PACSIN3: variants seen among roughly 807,000 people sequenced by gnomAD.
The protein encoded by PACSIN3 is protein kinase C and casein kinase substrate in neurons protein 3.
In PACSIN3, 34 loss-of-function variants were observed where a neutral mutation model predicts 56.1. The ratio of observed to expected loss-of-function variants is 0.61; its 90% CI spans 0.46 to 0.81. PACSIN3 has a LOEUF of 0.81. Ranked by LOEUF, PACSIN3 falls within the 30% of genes least tolerant of loss-of-function variation. The pLI is 0.00. For missense variants in PACSIN3, 535 were observed against 592.4 expected (o/e 0.90, Z 1.01); for synonymous variants, 218 against 229.8 (o/e 0.95, Z 0.46).
In PACSIN3 at chr11:47,179,482, G is replaced by A. The variant is rs748047182; in HGVS notation, c.708C>T (p.Arg236=). The change falls in exon 7 of 11, where the codon CGC becomes CGT. Residue 236 remains arginine (R), a synonymous_variant. Coordinates refer to ENST00000298838, the MANE Select transcript of PACSIN3 (RefSeq NM_016223.5). The surrounding 1 kb of genome is among the most constrained non-coding windows in gnomAD (Gnocchi z 4.4). ...TATCCTTGAAGAAAAGAAGCCGCTG[G>A]CGCTCGGCGGCCTGGCAGGTCTCAA... The part of the protein sequence containing the change: ...QAFETCQAAE[R]QRLLFFKDML... The A allele has an allele frequency of 2.5e-6, 4 of 1,613,880 alleles. No individual in the cohort carries two copies. Among genetic ancestry groups the A allele is most frequent in the Non-Finnish European group, 3.4e-6 (4 of 1,180,034 alleles).
At position 47,178,504 on chromosome 11, in the gene PACSIN3, A is replaced by C. The variant is rs1952939317; in HGVS notation, c.1038-17T>G. ...TGCCCCGTGCTGGAGAGGGGAGGCA[A>C]AGGGAGCAGCTCAGAGTGCAAGGAA... On this transcript the variant is annotated splice_polypyrimidine_tract_variant and intron_variant, in intron 9 of 10. Transcript: ENST00000298838. This position sits in a 1 kb window ranked among gnomAD's most constrained non-coding sequence, Gnocchi z 4.2. 2.5e-6 allele frequency: 4 copies of C among 1,612,556 alleles called. No homozygotes were observed. The highest frequency in any genetic ancestry group is 3.4e-6 in the Non-Finnish European group (4 of 1,179,458).
chr11:47,178,538 T>TG lies in PACSIN3; in HGVS notation c.1038-52dup, dbSNP rs1270031359. ...GCTCAGAGTGCAAGGAACACGGGGC[T>TG]GGAGATCTCACCCAGGATCAGGGCA... is the stretch of plus-strand genomic sequence containing the variant. On this transcript the variant is annotated intron_variant, in intron 9 of 10. Transcript: ENST00000298838. This position sits in a 1 kb window ranked among gnomAD's most constrained non-coding sequence, Gnocchi z 4.2. 1.3e-6 allele frequency: 2 copies of TG among 1,592,538 alleles called. No homozygotes were observed. Among genetic ancestry groups the TG allele is most frequent in the South Asian group, 2.2e-5 (2 of 89,410 alleles).
At position 47,178,131 on chromosome 11, in the gene PACSIN3, G is replaced by T; in HGVS notation, c.1160-85C>A. 1 of 1,305,772 alleles carries T rather than the reference G, an allele frequency of 7.7e-7. No individual in the cohort carries two copies. The highest frequency in any genetic ancestry group is 1.5e-5 in the African/African-American group (1 of 68,226). 80.9% of individuals were successfully genotyped at this position (1,305,772 alleles called of 1,614,324 possible). A position where few individuals can be genotyped will look rare whatever the true frequency, so the allele number is the denominator to read the frequency against. On this transcript the variant is annotated intron_variant, in intron 10 of 10. Coordinates refer to ENST00000298838, the MANE Select transcript of PACSIN3 (RefSeq NM_016223.5). The surrounding 1 kb of genome is among the most constrained non-coding windows in gnomAD (Gnocchi z 4.2). The stretch of plus-strand genomic sequence containing the variant: ...TGGGTCAAGGACTGAGGGGGATGGT[G>T]TGGTCCCAGAGCCCAGCTAGCAAAG...
chr11:47,179,909 AG>A lies in PACSIN3; in HGVS notation c.603+276del, dbSNP rs1280506646. ...GGAGGATTTGCATATCCAGAGCTGC[AG>A]GAAAGGACACTTCGGGCAAAGGGTA... On this transcript the variant is annotated intron_variant, in intron 6 of 10. Coordinates refer to ENST00000298838, the MANE Select transcript of PACSIN3 (RefSeq NM_016223.5). This position sits in a 1 kb window ranked among gnomAD's most constrained non-coding sequence, Gnocchi z 4.4. Among the ~76,000 whole-genome samples the A allele has an allele frequency of 6.6e-6, 1 of 152,252 alleles. No individual in the cohort carries two copies. The highest frequency in any genetic ancestry group is 1.9e-4 in the East Asian group (1 of 5,198).
In PACSIN3 at chr11:47,182,513, C is replaced by T. The variant is rs748580483; in HGVS notation, c.101G>A (p.Arg34Gln). ...RTVQRVEDGH[R>Q]LCGDLVSCFQ... Reference sequence around the variant, plus strand: ...GCAGCTGACCAGGTCCCCGCACAGCCGGTGCCCGTCCTCCACCCGCTGTAC... The same window carrying T: ...GCAGCTGACCAGGTCCCCGCACAGCTGGTGCCCGTCCTCCACCCGCTGTAC... The change falls in exon 4 of 11, where the codon CGG becomes CAG. Residue 34 changes from arginine (R) to glutamine (Q), a missense_variant. Physicochemically the swap from Arg to Gln is conservative, Grantham distance 43. Coordinates refer to ENST00000298838, the MANE Select transcript of PACSIN3 (RefSeq NM_016223.5). The T allele has an allele frequency of 6.8e-6, 11 of 1,612,568 alleles. No individual in the cohort carries two copies. In the East Asian group the frequency reaches 8.9e-5, roughly 13 times the overall value.
chr11:47,180,313 G>A lies in PACSIN3; in HGVS notation c.476C>T (p.Ala159Val), dbSNP rs1278973428. 2.5e-6 allele frequency: 4 copies of A among 1,602,458 alleles called. No homozygotes were observed. The African/African-American group carries it at 4.0e-5, about 16-fold the overall frequency. The change falls in exon 6 of 11, where the codon GCA becomes GTA. Residue 159 changes from alanine to valine, a missense_variant. Transcript: ENST00000298838. ...EVEASKKSYH[A>V]ARKDEKTAQT... is the part of the protein sequence containing the mutation. ...GGCGGTCTTCTCATCCTTCCGGGCTGCGTGGTAGCTTTTCTTGGAAGCCTC... is the reference window on the plus strand; with the variant it reads ...GGCGGTCTTCTCATCCTTCCGGGCTACGTGGTAGCTTTTCTTGGAAGCCTC...
Position 47,180,264 on chromosome 11 carries a change from C to T in PACSIN3, c.525G>A (p.Lys175=). The T allele has an allele frequency of 6.2e-7, 1 of 1,603,672 alleles. No homozygotes were observed. Among genetic ancestry groups the T allele is most frequent in the Non-Finnish European group, 8.5e-7 (1 of 1,179,974 alleles). ...GCTCCTGGGAGACGGCGCTGTCTGC[C>T]TTTGCGTGGCTCTCCCTCGTCTGGG... ...KTAQTRESHA[K]ADSAVSQEQL... Residue 175 remains lysine, a synonymous_variant, in exon 6 of 11, where the codon AAG becomes AAA. Coordinates refer to ENST00000298838, the MANE Select transcript of PACSIN3 (RefSeq NM_016223.5).
rs1952959810 is a variant in PACSIN3, at chr11:47,179,048, A to T, written c.901-18T>A. 1.2e-6 allele frequency: 2 copies of T among 1,613,992 alleles called. No individual in the cohort carries two copies. Among genetic ancestry groups the T allele is most frequent in the African/African-American group, 1.3e-5 (1 of 74,924 alleles). On this transcript the variant is annotated intron_variant, in intron 8 of 10. Transcript: ENST00000298838. This position sits in a 1 kb window ranked among gnomAD's most constrained non-coding sequence, Gnocchi z 4.4. ...GACCACTCCTGTGGGGACAGTGCTT[A>T]TAGTCAGGTGGGGCCATCTGAACCA... is the stretch of plus-strand genomic sequence containing the variant.
intron 1 of PACSIN3, among the ~76,000 whole-genome samples, chr11:47,183,942 A>C (rs2135462922): frequency 6.6e-6 from 1 of 152,178 alleles, no homozygotes; most frequent in Non-Finnish European, 1.5e-5. Context: ...GAATCACTTG[A>C]ACCTAGGAGG....
chr11:47,180,341 C>T lies in PACSIN3; in HGVS notation c.448G>A (p.Val150Ile), dbSNP rs757779965. 5.6e-6 allele frequency: 9 copies of T among 1,601,654 alleles called. No individual in the cohort carries two copies. In the East Asian group the frequency reaches 2.0e-4, roughly 36 times the overall value. Residue 150 changes from valine to isoleucine, a missense_variant and splice_region_variant, in exon 6 of 11, where the codon GTT becomes ATT. Coordinates refer to ENST00000298838, the MANE Select transcript of PACSIN3 (RefSeq NM_016223.5). Reference sequence around the variant, plus strand: ...TGGTAGCTTTTCTTGGAAGCCTCAACCTGGCATGCATGGAGACCACTCTGG... The same window carrying T: ...TGGTAGCTTTTCTTGGAAGCCTCAATCTGGCATGCATGGAGACCACTCTGG... ...QKPWLKRLKE[V>I]EASKKSYHAA...
chr11:47,180,153 G>C, intron 6 of PACSIN3, 33 bp downstream of exon 6: 1 of 1,580,986 alleles, frequency 6.3e-7, no homozygotes, highest in Admixed American at 1.7e-5. Flanking sequence ...CGTGCCCTGG[G>C]CGGGGGCCAG....
Position 47,178,740 on chromosome 11 carries a change from A to C in PACSIN3, c.1037+154T>G, listed in dbSNP as rs1006815238. Among the ~76,000 whole-genome samples, 2 of 152,212 alleles carry C rather than the reference A, an allele frequency of 1.3e-5. No individual in the cohort carries two copies. Among genetic ancestry groups the C allele is most frequent in the Non-Finnish European group, 2.9e-5 (2 of 68,038 alleles). ...CCCAGCAAATCTAAACCACTATGAGAACCAGTATCATTACAACTACTAAGT... is the reference window on the plus strand; with the variant it reads ...CCCAGCAAATCTAAACCACTATGAGCACCAGTATCATTACAACTACTAAGT... On this transcript the variant is annotated intron_variant, in intron 9 of 10. Coordinates refer to ENST00000298838, the MANE Select transcript of PACSIN3 (RefSeq NM_016223.5). The surrounding 1 kb of genome is among the most constrained non-coding windows in gnomAD (Gnocchi z 4.2).
In PACSIN3 at chr11:47,182,744, G is replaced by A. The variant is rs776472739; in HGVS notation, c.-17C>T. Reference sequence around the variant, plus strand: ...TGGAGCCATGGTGTCCCCGCAGCACGGAATGGTGGCGGATTTGGGGCTGTG... The same window carrying A: ...TGGAGCCATGGTGTCCCCGCAGCACAGAATGGTGGCGGATTTGGGGCTGTG... On this transcript the variant is annotated 5_prime_UTR_variant, in exon 3 of 11. Transcript: ENST00000298838. 2.1e-5 allele frequency: 33 copies of A among 1,606,866 alleles called. No homozygotes were observed. In the Admixed American group the frequency reaches 2.2e-4, roughly 11 times the overall value.
chr11:47,181,991 A>G (rs1349935955), intron 4 of PACSIN3, among the ~76,000 whole-genome samples: 1 of 152,124 alleles, frequency 6.6e-6, no homozygotes, highest in African/African-American at 2.4e-5. Flanking sequence ...CGTCTTTACT[A>G]AAAATACAAA....
At chr11:47,180,369 C>G in intron 5 of PACSIN3, 28 bp from the exon 6 acceptor site, 1 of 1,600,892 alleles carries the variant, frequency 6.2e-7, no homozygotes, top group Non-Finnish European at 8.5e-7. Flanking sequence ...CACTCTGGAC[C>G]CTGGATGCCA....
Position 47,178,197 on chromosome 11 carries a change from C to T in PACSIN3, c.1160-151G>A. 8.3e-7 allele frequency: 1 copy of T among 1,197,670 alleles called. No homozygotes were observed. The highest frequency in any genetic ancestry group is 1.2e-6 in the Non-Finnish European group (1 of 834,900). The allele number at this position is 1,197,670 out of a possible 1,614,324, so 74.2% of individuals were successfully genotyped here. On this transcript the variant is annotated intron_variant, in intron 10 of 10. Coordinates refer to ENST00000298838, the MANE Select transcript of PACSIN3 (RefSeq NM_016223.5). This position sits in a 1 kb window ranked among gnomAD's most constrained non-coding sequence, Gnocchi z 4.2. ...AGGCAGGTCAAGGTCAGCAAGCTGC[C>T]CCACCCCAGACCCTGAATGCAGCCA...
chr11:47,181,552 G>A (rs1352221313), intron 4 of PACSIN3, among the ~76,000 whole-genome samples: 2 of 151,980 alleles, frequency 1.3e-5, no homozygotes, highest in Non-Finnish European at 2.9e-5. Context: ...GGCCGGGCAC[G>A]GTGGCTCACG....
In PACSIN3 at chr11:47,180,258, G is replaced by A. The variant is rs1161143444; in HGVS notation, c.531C>T (p.Asp177=). The A allele has an allele frequency of 1.2e-6, 2 of 1,603,698 alleles. No individual in the cohort carries two copies. Among genetic ancestry groups the A allele is most frequent in the Non-Finnish European group, 8.5e-7 (1 of 1,179,988 alleles). ...AQTRESHAKA[D]SAVSQEQLRK... ...GCAGCTGCTCCTGGGAGACGGCGCT[G>A]TCTGCCTTTGCGTGGCTCTCCCTCG... The change falls in exon 6 of 11, where the codon GAC becomes GAT. Residue 177 remains aspartate (D), a synonymous_variant. Transcript: ENST00000298838.
chr11:47,180,176 T>G lies in PACSIN3; in HGVS notation c.603+10A>C. On this transcript the variant is annotated intron_variant, in intron 6 of 10. Coordinates refer to ENST00000298838, the MANE Select transcript of PACSIN3 (RefSeq NM_016223.5). Reference sequence around the variant, plus strand: ...GGGCGGGGGCCAGGGCTGGGACCTGTGGCCTGTACCTTCTCGGCCTCCTTG... The same window carrying G: ...GGGCGGGGGCCAGGGCTGGGACCTGGGGCCTGTACCTTCTCGGCCTCCTTG... The G allele has an allele frequency of 6.2e-7, 1 of 1,600,946 alleles. No individual in the cohort carries two copies. Among genetic ancestry groups the G allele is most frequent in the African/African-American group, 1.3e-5 (1 of 75,002 alleles).
Sources: gnomAD v4.1 joint callset for allele counts (sites outside exome capture counted in the v4.1 genomes callset) on GRCh38, gnomAD v4.1.1 for gene constraint, Gnocchi (gnomAD v3.1) non-coding constraint, MANE v1.5 for transcripts, NCBI Gene and HGNC (gene_info 2026-07-23, HGNC 2026-07-21) for gene names.